SNX13: variants seen among roughly 807,000 people sequenced by gnomAD.
SNX13 encodes sorting nexin 13.
SNX13 carries 45 observed loss-of-function variants against 133.6 expected under a neutral mutation model. The observed-to-expected ratio is 0.34, with a 90% CI of 0.27 to 0.43. The LOEUF is 0.43. SNX13 is among the 20% of genes least tolerant of loss of function. The pLI, the probability that SNX13 is intolerant of heterozygous loss-of-function variation, is 1.00. For synonymous variants in SNX13, 414 were observed against 373.9 expected (o/e 1.11, Z -1.24); for missense variants, 1,032 against 1,145.1 (o/e 0.90, Z 1.43).
chr7:17,927,311 T>C lies in SNX13; in HGVS notation c.12+12973A>G, dbSNP rs554009714. On this transcript the variant is annotated intron_variant, in intron 1 of 25. Coordinates refer to ENST00000428135, the MANE Select transcript of SNX13 (RefSeq NM_015132.5). ...AGGCTAGAGTGCAGTGATGCGATCA[T>C]AGCTCACTGCAGCCTCCAACACCTG... 7.0e-4 allele frequency among the ~76,000 whole-genome samples: 106 copies of C among 151,962 alleles called. 1 individual carries two copies. Among genetic ancestry groups the C allele is most frequent in the African/African-American group, 2.4e-3 (98 of 41,490 alleles).
rs991391934 is a variant in SNX13, at chr7:17,912,435, A to G, written c.13-14989T>C. 2.0e-5 allele frequency among the ~76,000 whole-genome samples: 3 copies of G among 149,960 alleles called. No homozygotes were observed. The South Asian group carries it at 6.4e-4, about 32-fold the overall frequency. On this transcript the variant is annotated intron_variant, in intron 1 of 25. Coordinates refer to ENST00000428135, the MANE Select transcript of SNX13 (RefSeq NM_015132.5). Reference sequence around the variant, plus strand: ...AAATGCTTTTTTTTTTTGGAAATGGAGTCTCACTCTGTTGCCCAGGTTGGA... The same window carrying G: ...AAATGCTTTTTTTTTTTGGAAATGGGGTCTCACTCTGTTGCCCAGGTTGGA...
At chr7:17,860,917 AT>A (rs1792595144) in intron 9 of SNX13, among the ~76,000 whole-genome samples, 1 of 152,170 alleles carries the variant, frequency 6.6e-6, no homozygotes, top group African/African-American at 2.4e-5. Context: ...TATCATTGGG[AT>A]TTTGGTAAGA....
At chr7:17,812,297 C>G (rs1036786185) in intron 20 of SNX13, among the ~76,000 whole-genome samples, 1 of 151,838 alleles carries the variant, frequency 6.6e-6, no homozygotes, top group South Asian at 2.1e-4. Flanking sequence ...CTGAAACAAA[C>G]TTACAAGAAA....
rs1008556149 is a variant in SNX13, at chr7:17,923,348, G to T, written c.12+16936C>A. On this transcript the variant is annotated intron_variant, in intron 1 of 25. Transcript: ENST00000428135. ...GAATATGTATTTATATACTGTCAAG[G>T]TTTAACTATTTAAATGGCAAATAAA... Among the ~76,000 whole-genome samples the T allele has an allele frequency of 3.9e-5, 6 of 152,078 alleles. No homozygotes were observed. The East Asian group carries it at 1.2e-3, about 29-fold the overall frequency.
intron 1 of SNX13, chr7:17,899,152 GTACAACTT>G: frequency 6.6e-6 from 1 of 152,252 alleles, no homozygotes; most frequent in South Asian, 2.1e-4. Flanking sequence ...CTCCTGGCCT[GTACAACTT>G]CCACTGAGAA....
At chr7:17,809,058 A>G (rs1785661621) in intron 20 of SNX13, among the ~76,000 whole-genome samples, 1 of 152,152 alleles carries the variant, frequency 6.6e-6, no homozygotes, top group African/African-American at 2.4e-5. Context: ...CTAACGAGCA[A>G]AATAACCAGC....
intron 9 of SNX13, among the ~76,000 whole-genome samples, chr7:17,855,351 GCTACA>G (rs931599065): frequency 6.6e-5 from 10 of 152,288 alleles, no homozygotes; most frequent in South Asian, 2.1e-4. Flanking sequence ...GATAATGATG[GCTACA>G]CTAAACAGAT....
intron 5 of SNX13, among the ~76,000 whole-genome samples, chr7:17,885,489 T>C (rs1446918937): frequency 1.1e-4 from 16 of 152,210 alleles, no homozygotes; most frequent in Admixed American, 1.0e-3. Flanking sequence ...TTGTGAATTG[T>C]ATCAGTTAAT....
intron 1 of SNX13, among the ~76,000 whole-genome samples, chr7:17,937,076 CAAAAA>C (rs555434265): frequency 1.1e-5 from 1 of 94,510 alleles, no homozygotes; most frequent in Non-Finnish European, 2.3e-5. Context: ...ATGTAAAATG[CAAAAA>C]AAAAAAAAAT....
In SNX13 at chr7:17,893,424, C is replaced by T. The variant is rs1366060936; in HGVS notation, c.136G>A (p.Val46Ile). 7 of 1,545,014 alleles carry T rather than the reference C, an allele frequency of 4.5e-6. No individual in the cohort carries two copies. The highest frequency in any genetic ancestry group is 5.2e-6 in the Non-Finnish European group (6 of 1,143,954). ...ILCFVGGGLV[V>I]TLLFGKTNSE... ...TTTGTTTTTCCAAACAGGAGAGTAA[C>T]CACTAAACCCCTAGAAAGAAAAATT... Residue 46 changes from valine (V) to isoleucine (I), a missense_variant, in exon 3 of 26, where the codon GTT becomes ATT. Transcript: ENST00000428135.
chr7:17,870,697 C>T (rs1476335714), intron 8 of SNX13, among the ~76,000 whole-genome samples: 1 of 152,156 alleles, frequency 6.6e-6, no homozygotes, highest in East Asian at 1.9e-4. Flanking sequence ...TGAGCATCTG[C>T]TATGTGCCAA....
intron 13 of SNX13, among the ~76,000 whole-genome samples, chr7:17,838,869 A>G (rs1789492123): frequency 6.6e-6 from 1 of 151,634 alleles, no homozygotes. Flanking sequence ...TTTATCTTGG[A>G]GAATGTTTCA....
intron 5 of SNX13, among the ~76,000 whole-genome samples, chr7:17,877,969 TA>T (rs1397358504): frequency 6.6e-6 from 1 of 152,066 alleles, no homozygotes; most frequent in African/African-American, 2.4e-5. Flanking sequence ...GGATATATAC[TA>T]ACAATTTCTA....
chr7:17,888,989 A>T (rs1796320538), intron 5 of SNX13: 1 of 221,148 alleles, frequency 4.5e-6, no homozygotes, highest in Admixed American at 5.7e-5. Context: ...ATTTTTCAAT[A>T]GTCAGGCACA....
intron 17 of SNX13, among the ~76,000 whole-genome samples, chr7:17,824,879 C>T (rs1328215976): frequency 1.3e-5 from 2 of 151,772 alleles, no homozygotes; most frequent in Non-Finnish European, 2.9e-5. Context: ...AAGCGATTCT[C>T]CTGCCTCAGC....
rs1783523372 is a variant in SNX13, at chr7:17,791,381, T to TG, written c.*2663_*2664insC. On this transcript the variant is annotated 3_prime_UTR_variant, in exon 26 of 26. Transcript: ENST00000428135. ...ACTGAAATATTCAAGAAAGTTTTTG[T>TG]TTTTTTTTTTTTTAAAAAAATTAAG... 1 of 144,580 alleles carries TG rather than the reference T, an allele frequency of 6.9e-6. No individual in the cohort carries two copies. Among genetic ancestry groups the TG allele is most frequent in the African/African-American group, 2.5e-5 (1 of 40,278 alleles). The allele number at this position is 144,580 out of a possible 1,614,324, so 9.0% of individuals were successfully genotyped here.
At chr7:17,863,688 G>A (rs1238001411) in intron 9 of SNX13, among the ~76,000 whole-genome samples, 2 of 152,184 alleles carry the variant, frequency 1.3e-5, no homozygotes, top group African/African-American at 4.8e-5. Flanking sequence ...GGCAGCAGTG[G>A]CCACAGGCGT....
At chr7:17,826,922 C>T (rs183247880) in intron 16 of SNX13, among the ~76,000 whole-genome samples, 5 of 152,180 alleles carry the variant, frequency 3.3e-5, no homozygotes, top group Non-Finnish European at 1.5e-5. Flanking sequence ...AAGTTTGTCC[C>T]TCGGATGGAA....
At chr7:17,882,995 A>C in intron 5 of SNX13, 1 of 299,154 alleles carries the variant, frequency 3.3e-6, no homozygotes, top group Non-Finnish European at 6.3e-6. Context: ...CTTAACTTTC[A>C]GTTCAGTGTT....
Sources: allele counts gnomAD v4.1 joint callset (sites outside exome capture counted in the v4.1 genomes callset), GRCh38; gene constraint gnomAD v4.1.1; transcripts MANE v1.5; gene names NCBI Gene and HGNC (gene_info 2026-07-23, HGNC 2026-07-21).